Variants in FUT8 observed in about 807,000 individuals in gnomAD.
The protein encoded by FUT8 is alpha-(1,6)-fucosyltransferase.
Under a neutral mutation model 71.3 loss-of-function variants are expected in FUT8, and 29 were observed. The observed-to-expected ratio is 0.41, with a 90% CI of 0.30 to 0.55. FUT8 has a LOEUF of 0.55. Among genes scored for constraint, FUT8 ranks in the 20% least tolerant of loss-of-function variants. The pLI is 0.34. For synonymous variants in FUT8, 254 were observed against 239.3 expected (o/e 1.06, Z -0.57); for missense variants, 544 against 702.1 (o/e 0.77, Z 2.55).
At chr14:65,395,228 A>G in the FUT8 span, among the ~76,000 whole-genome samples, 3 of 152,200 alleles carry the variant, frequency 2.0e-5, no homozygotes, top group African/African-American at 7.2e-5. Context: ...TTCCAGGCAC[A>G]TGGTACAAGC....
chr14:65,693,742 C>T (rs542199763), intron 7 of FUT8, among the ~76,000 whole-genome samples: 1 of 152,206 alleles, frequency 6.6e-6, no homozygotes, highest in South Asian at 2.1e-4. Flanking sequence ...TTTCTATTTT[C>T]TGGAAGAAAT....
At position 65,413,076 on chromosome 14, in the gene FUT8, C is replaced by T. The variant is rs1313559099; in HGVS notation, c.-464C>T. 6 of 153,190 alleles carry T rather than the reference C, an allele frequency of 3.9e-5. No individual in the cohort carries two copies. Among genetic ancestry groups the T allele is most frequent in the African/African-American group, 1.4e-4 (6 of 41,596 alleles). 9.5% of individuals were successfully genotyped at this position (153,190 alleles called of 1,614,324 possible). A position where few individuals can be genotyped will look rare whatever the true frequency, so the allele number is the denominator to read the frequency against. On this transcript the variant is annotated 5_prime_UTR_variant, in exon 1 of 11. Transcript: ENST00000673929. This position sits in a 1 kb window ranked among gnomAD's most constrained non-coding sequence, Gnocchi z 4.1. Reference sequence around the variant, plus strand: ...GCGGCGGTTCCTGTTTCCGTTTCTTCCTCTCCGTTCGGTCGGGAGTAGCAT... The same window carrying T: ...GCGGCGGTTCCTGTTTCCGTTTCTTTCTCTCCGTTCGGTCGGGAGTAGCAT...
chr14:65,484,471 G>A (rs1263563455), intron 2 of FUT8, among the ~76,000 whole-genome samples: 8 of 151,734 alleles, frequency 5.3e-5, no homozygotes, highest in African/African-American at 1.5e-4. Context: ...AATTTTGTCA[G>A]TTTTTTTTAA....
At chr14:65,451,575 C>G (rs996892920) in intron 1 of FUT8, among the ~76,000 whole-genome samples, 1 of 152,220 alleles carries the variant, frequency 6.6e-6, no homozygotes, top group Non-Finnish European at 1.5e-5. Context: ...CCTTTTGTAT[C>G]CACACTTGTG....
chr14:65,692,464 C>CCCA (rs1566898991), intron 7 of FUT8, among the ~76,000 whole-genome samples: 8 of 118,410 alleles, frequency 6.8e-5, no homozygotes, highest in African/African-American at 2.4e-4. Flanking sequence ...GGCTGACCCC[C>CCCA]CCACCTCCCT....
intron 3 of FUT8, among the ~76,000 whole-genome samples, chr14:65,578,311 T>A (rs997869306): frequency 6.6e-6 from 1 of 152,182 alleles, no homozygotes; most frequent in Non-Finnish European, 1.5e-5. Context: ...TCAGTATCAC[T>A]TGATTTATAG....
chr14:65,724,241 C>T lies in FUT8; in HGVS notation c.1177C>T (p.Leu393Phe). ...GCATGTTGAAGAACATTTTCAGCTT[C>T]TTGCACGCAGAATGCAAGTGGACAA... is the stretch of plus-strand genomic sequence containing the variant. ...MVHVEEHFQLLARRMQVDKKR... is the reference protein window; with the variant it reads ...MVHVEEHFQLFARRMQVDKKR... Residue 393 changes from leucine (L) to phenylalanine (F), a missense_variant, in exon 9 of 11, where the codon CTT becomes TTT. Transcript: ENST00000673929. 1 of 1,613,564 alleles carries T rather than the reference C, an allele frequency of 6.2e-7. No individual in the cohort carries two copies. Among genetic ancestry groups the T allele is most frequent in the African/African-American group, 1.3e-5 (1 of 75,022 alleles).
intron 3 of FUT8, among the ~76,000 whole-genome samples, chr14:65,606,032 C>T (rs1463738473): frequency 6.6e-6 from 1 of 150,994 alleles, no homozygotes; most frequent in Non-Finnish European, 1.5e-5. Flanking sequence ...CTTCTCTCCA[C>T]CTGTGACTTG....
intron 2 of FUT8, 23 bp from the exon 3 acceptor site, chr14:65,561,314 T>A: frequency 4.5e-6 from 2 of 443,260 alleles, no homozygotes; most frequent in South Asian, 7.8e-5. Context: ...ATAATTTAAA[T>A]ACATTTCTTA....
At chr14:65,634,899 T>C (rs1423392617) in intron 6 of FUT8, among the ~76,000 whole-genome samples, 1 of 152,312 alleles carries the variant, frequency 6.6e-6, no homozygotes, top group East Asian at 1.9e-4. Context: ...GGGATTGCAT[T>C]GAATTTGTAG....
At chr14:65,360,478 G>A in the FUT8 span, among the ~76,000 whole-genome samples, 4 of 152,200 alleles carry the variant, frequency 2.6e-5, no homozygotes, top group African/African-American at 9.7e-5. Flanking sequence ...AATCTGTTAG[G>A]CTCCCATACT....
the FUT8 span, among the ~76,000 whole-genome samples, chr14:65,388,999 T>C: frequency 6.6e-6 from 1 of 150,932 alleles, no homozygotes; most frequent in Non-Finnish European, 1.5e-5. Flanking sequence ...TATAAATGAA[T>C]ACATACATAT....
the FUT8 span, among the ~76,000 whole-genome samples, chr14:65,359,833 C>CTTT: frequency 1.3e-5 from 2 of 150,522 alleles, no homozygotes; most frequent in African/African-American, 4.9e-5. Context: ...AAGGCACACT[C>CTTT]TTTTTTTTTT....
At chr14:65,590,584 A>T (rs74452341) in intron 3 of FUT8, among the ~76,000 whole-genome samples, 1 of 152,186 alleles carries the variant, frequency 6.6e-6, no homozygotes, top group African/African-American at 2.4e-5. Flanking sequence ...TGTGTCATTC[A>T]TCTGTTACCT....
At chr14:65,729,168 G>A (rs913533522) in intron 9 of FUT8, among the ~76,000 whole-genome samples, 1 of 148,874 alleles carries the variant, frequency 6.7e-6, no homozygotes, top group African/African-American at 2.5e-5. Flanking sequence ...TGGGACCATT[G>A]GCATGCAGCA....
chr14:65,668,111 A>G (rs139142117), intron 6 of FUT8, among the ~76,000 whole-genome samples: 3 of 152,290 alleles, frequency 2.0e-5, no homozygotes, highest in African/African-American at 7.2e-5. Context: ...ACCTAAAACC[A>G]TAAAAACTCT....
chr14:65,648,208 A>G (rs1049226880), intron 6 of FUT8, among the ~76,000 whole-genome samples: 4 of 152,350 alleles, frequency 2.6e-5, no homozygotes, highest in African/African-American at 7.2e-5. Context: ...AAAGCCAAAG[A>G]TATTTACTGT....
At position 65,603,134 on chromosome 14, in the gene FUT8, GATCC is replaced by G. The variant is rs1349780270; in HGVS notation, c.204-12840_204-12837del. 1.3e-5 allele frequency among the ~76,000 whole-genome samples: 2 copies of G among 151,884 alleles called. No homozygotes were observed. Among genetic ancestry groups the G allele is most frequent in the African/African-American group, 4.8e-5 (2 of 41,382 alleles). On this transcript the variant is annotated intron_variant, in intron 3 of 10. Coordinates refer to ENST00000673929, the MANE Select transcript of FUT8 (RefSeq NM_001371533.1). The surrounding 1 kb of genome is among the most constrained non-coding windows in gnomAD (Gnocchi z 4.5). ...TTTCAGGTCTTAGATTTAAGTCCTT[GATCC>G]ATCTTGAGTTGATTTTTGTGTAAGG...
intron 7 of FUT8, among the ~76,000 whole-genome samples, chr14:65,677,158 G>GCGCGCA (rs1432004994): frequency 1.7e-5 from 2 of 116,336 alleles, no homozygotes; most frequent in Non-Finnish European, 3.4e-5. Context: ...GTGTGCGCGC[G>GCGCGCA]CGCATGCGCG....
Sources: allele counts gnomAD v4.1 joint callset (sites outside exome capture counted in the v4.1 genomes callset), GRCh38; gene constraint gnomAD v4.1.1; non-coding constraint Gnocchi (gnomAD v3.1); transcripts MANE v1.5; gene names NCBI Gene and HGNC (gene_info 2026-07-23, HGNC 2026-07-21).